Variants in RBPJ observed in about 807,000 individuals in gnomAD.
The protein encoded by RBPJ is recombining binding protein suppressor of hairless.
RBPJ carries 9 observed loss-of-function variants against 67.8 expected under a neutral mutation model. The observed-to-expected ratio is 0.13, with a 90% confidence interval of 0.08 to 0.23. The LOEUF (loss-of-function observed/expected upper bound fraction) is 0.23, where lower values mean the gene tolerates loss of function less well. RBPJ is among the 10% of genes least tolerant of loss of function. The pLI is 1.00. For missense variants in RBPJ, 305 were observed against 595.6 expected, an observed-to-expected ratio of 0.51 and a Z score of 5.08; for synonymous variants, 198 against 203.3, an observed-to-expected ratio of 0.97 and a Z score of 0.22.
the RBPJ span, chr4:26,113,252 G>T: frequency 9.0e-6 from 3 of 332,642 alleles, no homozygotes; most frequent in Admixed American, 1.1e-4. Context: ...ATGAAAATGG[G>T]AATAATTTCA....
At chr4:26,344,470 C>T (rs1410009005) in intron 1 of RBPJ, among the ~76,000 whole-genome samples, 2 of 149,332 alleles carry the variant, frequency 1.3e-5, no homozygotes, top group African/African-American at 2.5e-5. Context: ...CTCCTGACCT[C>T]GTGATCCCCC....
chr4:26,333,278 C>T (rs1053527677), intron 1 of RBPJ, among the ~76,000 whole-genome samples: 1 of 152,098 alleles, frequency 6.6e-6, no homozygotes, highest in African/African-American at 2.4e-5. Context: ...CGCTGACATT[C>T]GATTCTATTT....
At chr4:26,163,897 C>T (rs886638886) in intron 1 of RBPJ, among the ~76,000 whole-genome samples, 1 of 152,396 alleles carries the variant, frequency 6.6e-6, no homozygotes, top group South Asian at 2.1e-4. Context: ...CCCGTGCCTC[C>T]AGACCGGTAA....
chr4:26,366,854 C>T (rs940351511), intron 1 of RBPJ, among the ~76,000 whole-genome samples: 1 of 152,008 alleles, frequency 6.6e-6, no homozygotes, highest in Non-Finnish European at 1.5e-5. Context: ...GGCCGGGCGT[C>T]GTGTTTCACG....
At chr4:26,294,509 A>G (rs2109292020) in intron 1 of RBPJ, among the ~76,000 whole-genome samples, 1 of 152,222 alleles carries the variant, frequency 6.6e-6, no homozygotes, top group South Asian at 2.1e-4. Flanking sequence ...GGTCGGGAGA[A>G]GCAGGGAAGG....
chr4:26,394,328 G>A (rs548490905), intron 2 of RBPJ, among the ~76,000 whole-genome samples: 3 of 152,102 alleles, frequency 2.0e-5, no homozygotes, highest in African/African-American at 7.2e-5. Flanking sequence ...CGCCCAGCCT[G>A]GATTCACTTT....
intron 1 of RBPJ, among the ~76,000 whole-genome samples, chr4:26,189,286 T>C (rs916209987): frequency 2.0e-5 from 3 of 152,204 alleles, no homozygotes; most frequent in African/African-American, 7.2e-5. Flanking sequence ...AATAAAGTTA[T>C]TTAATGGAAA....
intron 4 of RBPJ, among the ~76,000 whole-genome samples, chr4:26,415,927 G>A (rs887537805): frequency 1.3e-5 from 2 of 152,078 alleles, no homozygotes; most frequent in Non-Finnish European, 2.9e-5. Flanking sequence ...ATAAATTTAG[G>A]AGGCTGATTG....
chr4:26,215,678 A>AGGGT (rs1718700636), intron 1 of RBPJ, among the ~76,000 whole-genome samples: 1 of 152,192 alleles, frequency 6.6e-6, no homozygotes, highest in South Asian at 2.1e-4. Context: ...TCACGAAAAC[A>AGGGT]GGGTGGCAGA....
At chr4:26,302,813 G>T (rs532195018) in intron 1 of RBPJ, among the ~76,000 whole-genome samples, 1 of 152,280 alleles carries the variant, frequency 6.6e-6, no homozygotes, top group African/African-American at 2.4e-5. Flanking sequence ...GGCGCTCAAT[G>T]ATTCCAGCTA....
chr4:26,234,846 C>G (rs993978429), intron 1 of RBPJ, among the ~76,000 whole-genome samples: 77 of 152,208 alleles, frequency 5.1e-4, no homozygotes, highest in African/African-American at 1.8e-3. Flanking sequence ...GCACATGCCA[C>G]CACGCCCAGC....
chr4:26,270,397 GAAA>G (rs1720856009), intron 1 of RBPJ, among the ~76,000 whole-genome samples: 2 of 61,154 alleles, frequency 3.3e-5, no homozygotes, highest in African/African-American at 5.0e-5. Flanking sequence ...AAGAAAGAAA[GAAA>G]GAAAGAAAGA....
chr4:26,402,922 A>G (rs61701005), intron 2 of RBPJ, among the ~76,000 whole-genome samples: 1,724 of 152,266 alleles, frequency 0.011, 39 homozygotes, highest in African/African-American at 0.039. Context: ...AGAACCTAGT[A>G]ATAATATATA....
At chr4:26,426,772 G>A (rs1421071267) in intron 7 of RBPJ, among the ~76,000 whole-genome samples, 2 of 152,174 alleles carry the variant, frequency 1.3e-5, no homozygotes, top group Admixed American at 6.5e-5. Context: ...CAGGCAAACA[G>A]AACAAGTACA....
At chr4:26,136,356 A>G in the RBPJ span, among the ~76,000 whole-genome samples, 8 of 152,262 alleles carry the variant, frequency 5.3e-5, no homozygotes, top group South Asian at 2.1e-4. Flanking sequence ...CACACCCCCA[A>G]TGCTGAACCT....
chr4:26,290,875 C>T (rs1366333248), intron 1 of RBPJ, among the ~76,000 whole-genome samples: 1 of 150,912 alleles, frequency 6.6e-6, no homozygotes, highest in Non-Finnish European at 1.5e-5. Flanking sequence ...AAATGAAATA[C>T]ATAAAGATTA....
At chr4:26,345,631 A>T (rs1306424108) in intron 1 of RBPJ, among the ~76,000 whole-genome samples, 4 of 152,190 alleles carry the variant, frequency 2.6e-5, no homozygotes, top group African/African-American at 9.6e-5. Context: ...AGTCTGTCCA[A>T]TGAGAGGAAT....
intron 1 of RBPJ, among the ~76,000 whole-genome samples, chr4:26,211,743 A>C (rs1718429926): frequency 6.6e-6 from 1 of 152,174 alleles, no homozygotes. Flanking sequence ...GTTATAGGTT[A>C]AATTGTGTCC....
At chr4:26,421,289 T>C (rs1447215092) in intron 5 of RBPJ, among the ~76,000 whole-genome samples, 1 of 152,100 alleles carries the variant, frequency 6.6e-6, no homozygotes, top group African/African-American at 2.4e-5. Flanking sequence ...TTTTTTTAAC[T>C]TTTTATTATG....
Sources: allele counts gnomAD v4.1 joint callset (sites outside exome capture counted in the v4.1 genomes callset), GRCh38; gene constraint gnomAD v4.1.1; transcripts MANE v1.5; gene names NCBI Gene and HGNC (gene_info 2026-07-23, HGNC 2026-07-21).